NCK1: variants seen among roughly 807,000 people sequenced by gnomAD.
The protein encoded by NCK1 is SH2/SH3 adapter protein NCK1.
NCK1 carries 19 observed loss-of-function variants against 36.6 expected under a neutral mutation model. The ratio of observed to expected loss-of-function variants is 0.52; its 90% CI spans 0.36 to 0.76. The LOEUF (loss-of-function observed/expected upper bound fraction) is 0.76, where lower values mean the gene tolerates loss of function less well. Ranked by LOEUF, NCK1 falls within the 30% of genes least tolerant of loss-of-function variation. NCK1 has a pLI of 0.00. For synonymous variants in NCK1, 165 were observed against 156.0 expected (o/e 1.06, Z -0.43); for missense variants, 358 against 445.6 (o/e 0.80, Z 1.77).
At chr3:136,873,767 T>C (rs1319397150) in intron 1 of NCK1, among the ~76,000 whole-genome samples, 2 of 152,166 alleles carry the variant, frequency 1.3e-5, no homozygotes, top group Non-Finnish European at 2.9e-5. Context: ...TTTTGAGAAC[T>C]GATGATTTTT....
At chr3:136,932,256 G>A (rs1180470911) in intron 2 of NCK1, among the ~76,000 whole-genome samples, 4 of 152,156 alleles carry the variant, frequency 2.6e-5, no homozygotes, top group Non-Finnish European at 5.9e-5. Context: ...CTGGGAGTCA[G>A]GATTTGAAAT....
chr3:136,922,170 T>C (rs1299456374), intron 1 of NCK1, among the ~76,000 whole-genome samples: 1 of 152,202 alleles, frequency 6.6e-6, no homozygotes, highest in South Asian at 2.1e-4. Flanking sequence ...AGAAACAAAC[T>C]TATTATTTAT....
chr3:136,874,423 G>A (rs1018823116), intron 1 of NCK1, among the ~76,000 whole-genome samples: 5 of 152,148 alleles, frequency 3.3e-5, no homozygotes, highest in African/African-American at 7.2e-5. Flanking sequence ...CAGGTGACCC[G>A]CCCACCTTGG....
At chr3:136,866,505 C>T (rs1938416039) in intron 1 of NCK1, among the ~76,000 whole-genome samples, 1 of 151,828 alleles carries the variant, frequency 6.6e-6, no homozygotes, top group Admixed American at 6.6e-5. Context: ...CGGGGTTTCT[C>T]CGTGTTGGTC....
At chr3:136,904,066 G>C (rs1939616867) in intron 1 of NCK1, among the ~76,000 whole-genome samples, 1 of 152,082 alleles carries the variant, frequency 6.6e-6, no homozygotes, top group Admixed American at 6.6e-5. Context: ...GCTTGTTTGT[G>C]AAATACTTTA....
intron 2 of NCK1, among the ~76,000 whole-genome samples, chr3:136,940,095 T>C (rs1940632421): frequency 6.6e-6 from 1 of 152,108 alleles, no homozygotes; most frequent in Non-Finnish European, 1.5e-5. Context: ...ACTCCTGGGC[T>C]CAAGTGATCC....
chr3:136,866,363 AATGG>A (rs1294083890), intron 1 of NCK1, among the ~76,000 whole-genome samples: 1 of 149,264 alleles, frequency 6.7e-6, no homozygotes, highest in Non-Finnish European at 1.5e-5. Flanking sequence ...GCTGGAGTGC[AATGG>A]TGCGATCTCG....
At chr3:136,902,324 A>C (rs1322307463) in intron 1 of NCK1, among the ~76,000 whole-genome samples, 1 of 151,622 alleles carries the variant, frequency 6.6e-6, no homozygotes, top group Non-Finnish European at 1.5e-5. Context: ...CAGCCTCCTG[A>C]GTAGCTGGGA....
intron 1 of NCK1, among the ~76,000 whole-genome samples, chr3:136,878,066 C>T (rs543986443): frequency 7.9e-5 from 12 of 152,260 alleles, no homozygotes; most frequent in South Asian, 4.1e-4. Context: ...CAGTCACAAA[C>T]GACCACAGTA....
chr3:136,871,128 G>A (rs575333588), intron 1 of NCK1, among the ~76,000 whole-genome samples: 1 of 152,040 alleles, frequency 6.6e-6, no homozygotes, highest in South Asian at 2.1e-4. Context: ...TGGGCATGGT[G>A]GCTTATGCTT....
In NCK1 at chr3:136,950,289, A is replaced by G. The variant is rs945053826; in HGVS notation, c.*1836A>G. ...TATGTTTGTAAAAAGAGAACAATTA[A>G]TGCTTTGCATCACAGACATAAACTA... On this transcript the variant is annotated 3_prime_UTR_variant, in exon 4 of 4. Coordinates refer to ENST00000481752, the MANE Select transcript of NCK1 (RefSeq NM_001291999.2). 6.6e-6 allele frequency among the ~76,000 whole-genome samples: 1 copy of G among 152,128 alleles called. No homozygotes were observed. Among genetic ancestry groups the G allele is most frequent in the Non-Finnish European group, 1.5e-5 (1 of 67,978 alleles).
At chr3:136,867,188 C>T (rs1576937724) in intron 1 of NCK1, among the ~76,000 whole-genome samples, 2 of 62,292 alleles carry the variant, frequency 3.2e-5, no homozygotes, top group Non-Finnish European at 4.5e-5. Context: ...TTCTTTCTTT[C>T]TTTTCTTTCT....
chr3:136,904,747 C>A (rs1350285530), intron 1 of NCK1, among the ~76,000 whole-genome samples: 2 of 151,478 alleles, frequency 1.3e-5, no homozygotes, highest in Admixed American at 6.6e-5. Context: ...GGTTTTCTAA[C>A]ATTTTTGTTT....
chr3:136,938,063 A>G (rs1453332867), intron 2 of NCK1, among the ~76,000 whole-genome samples: 4 of 152,136 alleles, frequency 2.6e-5, no homozygotes, highest in Non-Finnish European at 4.4e-5. Context: ...CCTTTATTAT[A>G]TTGAGGAAAT....
chr3:136,915,874 C>T (rs1487427038), intron 1 of NCK1, among the ~76,000 whole-genome samples: 1 of 151,972 alleles, frequency 6.6e-6, no homozygotes, highest in African/African-American at 2.4e-5. Flanking sequence ...TACAGGTGTG[C>T]ATCACCACGC....
At chr3:136,917,806 A>C (rs765184614) in intron 1 of NCK1, among the ~76,000 whole-genome samples, 6 of 152,352 alleles carry the variant, frequency 3.9e-5, no homozygotes, top group South Asian at 4.1e-4. Context: ...TCTCAGGAAG[A>C]TAATTCCCAG....
chr3:136,951,272 C>T lies in NCK1; in HGVS notation c.*2819C>T, dbSNP rs1238579532. Among the ~76,000 whole-genome samples, 2 of 152,126 alleles carry T rather than the reference C, an allele frequency of 1.3e-5. No individual in the cohort carries two copies. Among genetic ancestry groups the T allele is most frequent in the African/African-American group, 2.4e-5 (1 of 41,418 alleles). ...GTTTGTGAGAATTCTCTAGGCAGGC[C>T]CAGCCCTTCTCTAGAAGTTTGAATT... On this transcript the variant is annotated 3_prime_UTR_variant, in exon 4 of 4. Transcript: ENST00000481752.
intron 1 of NCK1, among the ~76,000 whole-genome samples, chr3:136,912,166 T>TTC (rs1553795906): frequency 1.2e-5 from 1 of 84,012 alleles, no homozygotes; most frequent in Non-Finnish European, 3.0e-5. Context: ...TTTTTTCTTT[T>TTC]TTTTTTTTTT....
At chr3:136,930,629 T>C (rs1418252597) in intron 2 of NCK1, 1 of 1,394,388 alleles carries the variant, frequency 7.2e-7, no homozygotes, top group Admixed American at 2.8e-5. Flanking sequence ...CACTGTTTTC[T>C]TGAAGTTGTG....
Sources: gnomAD v4.1 joint callset for allele counts (sites outside exome capture counted in the v4.1 genomes callset) on GRCh38, gnomAD v4.1.1 for gene constraint, MANE v1.5 for transcripts, NCBI Gene and HGNC (gene_info 2026-07-23, HGNC 2026-07-21) for gene names.